The following RBPJ variants were observed in gnomAD, a reference collection of about 807,000 sequenced individuals.
RBPJ encodes recombining binding protein suppressor of hairless.
A neutral mutation model predicts 67.8 loss-of-function variants in RBPJ; 9 were observed. That is an observed-to-expected ratio of 0.13 (90% CI 0.08 to 0.23). The LOEUF is 0.23. Ranked by LOEUF, RBPJ falls within the 10% of genes least tolerant of loss-of-function variation. The probability of loss-of-function intolerance (pLI) is 1.00; values close to 1 mark genes in which losing one functional copy is unlikely to be tolerated. For missense variants in RBPJ, 305 were observed against 595.6 expected (o/e 0.51, Z 5.08); for synonymous variants, 198 against 203.3 (o/e 0.97, Z 0.22).
chr4:26,188,643 G>T (rs1560202924), intron 1 of RBPJ, among the ~76,000 whole-genome samples: 1 of 152,088 alleles, frequency 6.6e-6, no homozygotes. Flanking sequence ...TGCTGATTTG[G>T]CTTATTCAAC....
At chr4:26,108,053 T>C in the RBPJ span, among the ~76,000 whole-genome samples, 1 of 152,236 alleles carries the variant, frequency 6.6e-6, no homozygotes, top group Admixed American at 6.5e-5. Context: ...ATGTCTCTCC[T>C]CATCCAGTGT....
At chr4:26,204,986 G>A (rs1488381380) in intron 1 of RBPJ, among the ~76,000 whole-genome samples, 1 of 152,170 alleles carries the variant, frequency 6.6e-6, no homozygotes. Flanking sequence ...CCTTTCCAAA[G>A]GGATGTGCCA....
chr4:26,255,344 C>A (rs1404622244), intron 1 of RBPJ, among the ~76,000 whole-genome samples: 1 of 107,874 alleles, frequency 9.3e-6, no homozygotes, highest in East Asian at 2.6e-4. Flanking sequence ...GCGGAGCTTG[C>A]AGTGAGCCGA....
chr4:26,345,977 C>T (rs940543427), intron 1 of RBPJ, among the ~76,000 whole-genome samples: 2 of 152,100 alleles, frequency 1.3e-5, no homozygotes, highest in African/African-American at 4.8e-5. Context: ...TAATCTTTCT[C>T]TTTTTAAAAT....
intron 1 of RBPJ, among the ~76,000 whole-genome samples, chr4:26,248,109 A>G (rs1719988017): frequency 6.6e-6 from 1 of 152,046 alleles, no homozygotes; most frequent in South Asian, 2.1e-4. Context: ...TGGCCAACAT[A>G]GTGAAACCCT....
intron 1 of RBPJ, among the ~76,000 whole-genome samples, chr4:26,249,516 C>G (rs977244668): frequency 1.3e-5 from 2 of 151,876 alleles, no homozygotes; most frequent in African/African-American, 2.4e-5. Flanking sequence ...AAAAAATTAG[C>G]CGGGCATGGT....
At position 26,292,740 on chromosome 4, in the gene RBPJ, C is replaced by T. The variant is rs777832247; in HGVS notation, c.-166-69706C>T. 5.3e-5 allele frequency among the ~76,000 whole-genome samples: 8 copies of T among 150,302 alleles called. 2 individuals are homozygous for T. Among genetic ancestry groups the T allele is most frequent in the Non-Finnish European group, 1.2e-4 (8 of 67,498 alleles). ...CCTGGCCAAAATCCTAACAGAATAACATTCTATTGTGTATGTATTAAAAAA... is the reference window on the plus strand; with the variant it reads ...CCTGGCCAAAATCCTAACAGAATAATATTCTATTGTGTATGTATTAAAAAA... On this transcript the variant is annotated intron_variant, in intron 1 of 4. Transcript: ENST00000512351.
chr4:26,209,250 G>A (rs987948799), intron 1 of RBPJ, among the ~76,000 whole-genome samples: 3 of 151,938 alleles, frequency 2.0e-5, no homozygotes, highest in African/African-American at 4.8e-5. Flanking sequence ...TCTAAAACAC[G>A]GCAGTTTCTT....
intron 1 of RBPJ, among the ~76,000 whole-genome samples, chr4:26,208,939 A>G (rs745415046): frequency 6.6e-6 from 1 of 152,114 alleles, no homozygotes; most frequent in Non-Finnish European, 1.5e-5. Flanking sequence ...TGCTTAAATT[A>G]TAGTCTTTCA....
chr4:26,182,203 G>A (rs979689428), intron 1 of RBPJ, among the ~76,000 whole-genome samples: 2 of 151,952 alleles, frequency 1.3e-5, no homozygotes, highest in African/African-American at 2.4e-5. Context: ...TTAGCCGGGC[G>A]CCGTGGCGGG....
At chr4:26,369,400 T>C (rs899450696) in intron 1 of RBPJ, among the ~76,000 whole-genome samples, 3 of 152,240 alleles carry the variant, frequency 2.0e-5, no homozygotes, top group Non-Finnish European at 4.4e-5. Flanking sequence ...GTCTTCACAA[T>C]AGCTCTGCAG....
At chr4:26,327,384 G>A (rs1436952056) in intron 1 of RBPJ, among the ~76,000 whole-genome samples, 1 of 152,030 alleles carries the variant, frequency 6.6e-6, no homozygotes, top group African/African-American at 2.4e-5. Flanking sequence ...GAAGTTTACG[G>A]CAATCTTGGG....
chr4:26,223,855 A>G (rs1340780947), intron 1 of RBPJ, among the ~76,000 whole-genome samples: 1 of 152,232 alleles, frequency 6.6e-6, no homozygotes, highest in African/African-American at 2.4e-5. Flanking sequence ...AGAAAGGATC[A>G]TCACATTATC....
Position 26,434,496 on chromosome 4 carries a change from C to T in RBPJ, c.*3489C>T, listed in dbSNP as rs1736500250. 3 of 152,160 alleles carry T rather than the reference C, an allele frequency of 2.0e-5. No individual in the cohort carries two copies. The highest frequency in any genetic ancestry group is 4.8e-5 in the African/African-American group (2 of 41,450). 9.4% of individuals were successfully genotyped at this position (152,160 alleles called of 1,614,324 possible). The stretch of plus-strand genomic sequence containing the variant: ...GAACAAATGTGTGTAATTTTCTGTG[C>T]CAGACTTATGACTTTGTTTTCAAGC... On this transcript the variant is annotated 3_prime_UTR_variant, in exon 11 of 11. Coordinates refer to ENST00000355476, the MANE Select transcript of RBPJ (RefSeq NM_015874.6).
chr4:26,401,704 GC>G (rs1732826325), intron 2 of RBPJ, among the ~76,000 whole-genome samples: 1 of 152,132 alleles, frequency 6.6e-6, no homozygotes, highest in Non-Finnish European at 1.5e-5. Context: ...TGCAGTTACT[GC>G]TAAATGATGT....
intron 1 of RBPJ, among the ~76,000 whole-genome samples, chr4:26,384,836 A>ACCTCTCCCCTCCCGCCTCTTG (rs1428588302): frequency 9.5e-5 from 1 of 10,486 alleles, no homozygotes; most frequent in Non-Finnish European, 1.7e-4. Context: ...CTCCCCTCTC[A>ACCTCTCCCCTCCCGCCTCTTG]CCTCTCCCCT....
chr4:26,274,116 A>C (rs114564060), intron 1 of RBPJ, among the ~76,000 whole-genome samples: 4,144 of 152,076 alleles, frequency 0.027, 74 homozygotes, highest in Non-Finnish European at 0.043. Context: ...TCACCTCCTA[A>C]AATACTTTGT....
Position 26,258,846 on chromosome 4 carries a change from C to G in RBPJ, c.-167+95232C>G, listed in dbSNP as rs181267570. Among the ~76,000 whole-genome samples, 152 of 151,912 alleles carry G rather than the reference C, an allele frequency of 1.0e-3. 1 individual carries two copies. Among genetic ancestry groups the G allele is most frequent in the African/African-American group, 3.6e-3 (147 of 41,404 alleles). ...TTGAGACAGAGTCTTGCTCTGTTGC[C>G]GGGCTGGAGTGCAGTGGTGCGATCT... On this transcript the variant is annotated intron_variant, in intron 1 of 4. Coordinates refer to the RBPJ transcript ENST00000512351.
At position 26,237,260 on chromosome 4, in the gene RBPJ, T is replaced by C. The variant is rs112848183; in HGVS notation, c.-167+73646T>C. ...TTCTCTATCTGTATTCTTATCTGTG[T>C]GTGCTGTCACTTAAGTATATAGTGC... On this transcript the variant is annotated intron_variant, in intron 1 of 4. Transcript: ENST00000512351. Among the ~76,000 whole-genome samples, 416 of 152,288 alleles carry C rather than the reference T, an allele frequency of 2.7e-3. 3 individuals carry two copies. Among genetic ancestry groups the C allele is most frequent in the African/African-American group, 9.7e-3 (402 of 41,550 alleles).
Sources: allele counts gnomAD v4.1 joint callset (sites outside exome capture counted in the v4.1 genomes callset), GRCh38; gene constraint gnomAD v4.1.1; transcripts MANE v1.5; gene names NCBI Gene and HGNC (gene_info 2026-07-23, HGNC 2026-07-21).